Variants in ACBD6 observed in about 807,000 individuals in gnomAD.
The protein encoded by ACBD6 is acyl-CoA-binding domain-containing protein 6.
ACBD6 carries 28 observed loss-of-function variants against 37.2 expected under a neutral mutation model. The ratio of observed to expected loss-of-function variants is 0.75; its 90% CI spans 0.56 to 1.03. The LOEUF is 1.03. ACBD6 is among the 50% of genes least tolerant of loss of function. The probability of loss-of-function intolerance (pLI) is 0.00; values close to 1 mark genes in which losing one functional copy is unlikely to be tolerated. For synonymous variants in ACBD6, 113 were observed against 126.8 expected (o/e 0.89, Z 0.73); for missense variants, 340 against 337.4 (o/e 1.01, Z -0.06).
chr1:180,280,371 T>A (rs2764455), intron 9 of ACBD6, among the ~76,000 whole-genome samples: 14,740 of 146,216 alleles, frequency 0.1, 981 homozygotes, highest in African/African-American at 0.19. Flanking sequence ...AAAAAAAAAA[T>A]GCACTACATA....
At chr1:180,272,728 G>A (rs1039083644) in intron 12 of ACBD6, 9 of 152,234 alleles carry the variant, frequency 5.9e-5, no homozygotes, top group Admixed American at 4.6e-4. Context: ...CTCAACTGGC[G>A]ATCAGAGACC....
chr1:180,306,251 TAAAA>T (rs553145187), intron 7 of ACBD6, among the ~76,000 whole-genome samples: 1 of 144,158 alleles, frequency 6.9e-6, no homozygotes, highest in Non-Finnish European at 1.5e-5. Context: ...AGTATAATAA[TAAAA>T]AAAAAACAAA....
chr1:180,369,154 C>A lies in ACBD6; in HGVS notation c.663+28362G>T, dbSNP rs529491625. 3.3e-5 allele frequency among the ~76,000 whole-genome samples: 5 copies of A among 152,346 alleles called. No individual in the cohort carries two copies. The South Asian group carries it at 1.0e-3, about 32-fold the overall frequency. ...CTACCACGCTGGTAGGCAGGCCTCC[C>A]CCAACATTTGTGTGGGCCTGGGGCA... On this transcript the variant is annotated intron_variant, in intron 6 of 7. Transcript: ENST00000367595.
chr1:180,356,124 C>T (rs564102245), intron 6 of ACBD6, among the ~76,000 whole-genome samples: 32 of 151,918 alleles, frequency 2.1e-4, no homozygotes, highest in East Asian at 1.9e-4. Flanking sequence ...CCATGTGCCT[C>T]GGCCTCCCAA....
intron 3 of ACBD6, among the ~76,000 whole-genome samples, chr1:180,457,156 G>C (rs1176288826): frequency 6.6e-6 from 1 of 152,076 alleles, no homozygotes; most frequent in African/African-American, 2.4e-5. Flanking sequence ...ACCTAAAGGA[G>C]AGCATGTAGG....
At chr1:180,373,582 T>C (rs760900285) in intron 6 of ACBD6, among the ~76,000 whole-genome samples, 4 of 152,180 alleles carry the variant, frequency 2.6e-5, no homozygotes, top group East Asian at 1.9e-4. Context: ...CCATAATCCA[T>C]TGGGACCAGA....
chr1:180,285,351 CA>C (rs921049705), downstream of ACBD6, among the ~76,000 whole-genome samples: 1 of 150,962 alleles, frequency 6.6e-6, no homozygotes, highest in African/African-American at 2.4e-5. Flanking sequence ...GACCTTGTCT[CA>C]AAAAAAAGTG....
intron 3 of ACBD6, among the ~76,000 whole-genome samples, chr1:180,484,139 C>G (rs1299776823): frequency 2.0e-5 from 3 of 152,118 alleles, no homozygotes; most frequent in Non-Finnish European, 4.4e-5. Flanking sequence ...ACAGGGTTAC[C>G]TCATGGCTCA....
chr1:180,353,462 A>G (rs1299727746), intron 6 of ACBD6, among the ~76,000 whole-genome samples: 2 of 152,170 alleles, frequency 1.3e-5, no homozygotes, highest in African/African-American at 4.8e-5. Flanking sequence ...CATCTATCCA[A>G]TCAGTTCAAT....
At chr1:180,329,145 CA>C in intron 6 of ACBD6, among the ~76,000 whole-genome samples, 1 of 152,162 alleles carries the variant, frequency 6.6e-6, no homozygotes, top group East Asian at 1.9e-4. Flanking sequence ...GTCAACATCA[CA>C]AACTGATTAT....
chr1:180,460,117 G>C (rs1650080658), intron 3 of ACBD6, among the ~76,000 whole-genome samples: 1 of 151,344 alleles, frequency 6.6e-6, no homozygotes, highest in Non-Finnish European at 1.5e-5. Context: ...ATCTCCTAAT[G>C]CTATCCCTCC....
In ACBD6 at chr1:180,365,427, T is replaced by C. The variant is rs1157221008; in HGVS notation, c.663+32089A>G. 4.6e-5 allele frequency among the ~76,000 whole-genome samples: 7 copies of C among 152,212 alleles called. No homozygotes were observed. The East Asian group carries it at 7.7e-4, about 17-fold the overall frequency. On this transcript the variant is annotated intron_variant, in intron 6 of 7. Coordinates refer to ENST00000367595, the MANE Select transcript of ACBD6 (RefSeq NM_032360.4). ...AGATCTATGGGCTGCACATGACTTATACTGTTTTGTGACCATGAGACTTTA... is the reference window on the plus strand; with the variant it reads ...AGATCTATGGGCTGCACATGACTTACACTGTTTTGTGACCATGAGACTTTA...
chr1:180,343,230 A>C (rs1652045460), intron 6 of ACBD6, among the ~76,000 whole-genome samples: 1 of 151,860 alleles, frequency 6.6e-6, no homozygotes. Flanking sequence ...AAAAACACAT[A>C]ACCTAAATAC....
At chr1:180,414,417 T>G (rs191040664) in intron 4 of ACBD6, among the ~76,000 whole-genome samples, 94 of 152,336 alleles carry the variant, frequency 6.2e-4, no homozygotes, top group Admixed American at 6.1e-3. Flanking sequence ...AGTTCTTCTA[T>G]CCTAAAAGCC....
chr1:180,383,173 AC>A (rs1332460662), intron 6 of ACBD6, among the ~76,000 whole-genome samples: 1 of 152,232 alleles, frequency 6.6e-6, no homozygotes, highest in African/African-American at 2.4e-5. Context: ...TCAACACAGT[AC>A]TGGAAGTGTT....
At chr1:180,329,682 C>A (rs1651402514) in intron 6 of ACBD6, among the ~76,000 whole-genome samples, 1 of 151,884 alleles carries the variant, frequency 6.6e-6, no homozygotes, top group Non-Finnish European at 1.5e-5. Flanking sequence ...TTTTAACATT[C>A]TATGGAAGCT....
chr1:180,302,457 T>C (rs1650168742), intron 7 of ACBD6, among the ~76,000 whole-genome samples: 1 of 152,160 alleles, frequency 6.6e-6, no homozygotes, highest in Non-Finnish European at 1.5e-5. Context: ...ATTGATCCCT[T>C]TACCATTATG....
At chr1:180,435,029 A>G (rs1648966528) in intron 3 of ACBD6, 4 of 962,080 alleles carry the variant, frequency 4.2e-6, no homozygotes, top group Admixed American at 1.7e-5. Context: ...CCGACAATAC[A>G]CTAGGCACCG....
At chr1:180,347,151 G>A (rs1417675630) in intron 6 of ACBD6, among the ~76,000 whole-genome samples, 1 of 152,174 alleles carries the variant, frequency 6.6e-6, no homozygotes, top group Non-Finnish European at 1.5e-5. Context: ...AGAGCTGTGG[G>A]TGAAAAGTAC....
Sources: allele counts gnomAD v4.1 joint callset (sites outside exome capture counted in the v4.1 genomes callset), GRCh38; gene constraint gnomAD v4.1.1; transcripts MANE v1.5; gene names NCBI Gene and HGNC (gene_info 2026-07-23, HGNC 2026-07-21).